Variants in SOX5 observed in about 807,000 individuals in gnomAD.
The protein encoded by SOX5 is transcription factor SOX-5.
A neutral mutation model predicts 92.0 loss-of-function variants in SOX5; 9 were observed. The observed-to-expected ratio is 0.10, with a 90% CI of 0.06 to 0.17. SOX5 has a LOEUF of 0.17. Ranked by LOEUF, SOX5 falls within the 10% of genes least tolerant of loss-of-function variation. The pLI, the probability that SOX5 is intolerant of heterozygous loss-of-function variation, is 1.00. For missense variants in SOX5, 642 were observed against 944.5 expected, an observed-to-expected ratio of 0.68 and a Z score of 4.20; for synonymous variants, 344 against 336.3, an observed-to-expected ratio of 1.02 and a Z score of -0.25.
chr12:24,180,328 G>A (rs1193640818), intron 4 of SOX5, among the ~76,000 whole-genome samples: 1 of 152,100 alleles, frequency 6.6e-6, no homozygotes, highest in Non-Finnish European at 1.5e-5. Flanking sequence ...AACAGCCCAA[G>A]GAGACCTTCC....
At chr12:23,672,666 G>A (rs2084988091) in intron 6 of SOX5, among the ~76,000 whole-genome samples, 1 of 151,798 alleles carries the variant, frequency 6.6e-6, no homozygotes, top group Non-Finnish European at 1.5e-5. Context: ...ATTGCTACTA[G>A]ATATAATAGA....
intron 1 of SOX5, among the ~76,000 whole-genome samples, chr12:24,413,228 T>A (rs1272957996): frequency 3.3e-5 from 5 of 152,242 alleles, no homozygotes; most frequent in Non-Finnish European, 7.3e-5. Flanking sequence ...ATTTTGCAGC[T>A]CAGTTATTTA....
chr12:23,734,510 C>A (rs2093513988), intron 6 of SOX5, among the ~76,000 whole-genome samples, 174 bp downstream of exon 6: 1 of 152,142 alleles, frequency 6.6e-6, no homozygotes, highest in African/African-American at 2.4e-5. Flanking sequence ...ACAGTAGGGC[C>A]TGTAGACTGA....
At chr12:24,503,919 A>C (rs1948472765) in intron 1 of SOX5, among the ~76,000 whole-genome samples, 1 of 152,112 alleles carries the variant, frequency 6.6e-6, no homozygotes, top group African/African-American at 2.4e-5. Context: ...ACGTGTATAC[A>C]TATGTAACAA....
intron 4 of SOX5, among the ~76,000 whole-genome samples, chr12:23,979,701 TTTTTTG>T (rs1475670819): frequency 0.028 from 2,221 of 79,564 alleles, 381 homozygotes; most frequent in South Asian, 0.041. Context: ...TATATATGTT[TTTTTTG>T]TTTTTTTTTT....
At chr12:24,030,350 G>A (rs1391789) in intron 4 of SOX5, among the ~76,000 whole-genome samples, 30,431 of 151,632 alleles carry the variant, frequency 0.2, 3,358 homozygotes, top group Middle Eastern at 0.33. Flanking sequence ...AAACAGACAC[G>A]TAGACCAATG....
At chr12:23,621,662 C>A (rs1337191632) in intron 8 of SOX5, among the ~76,000 whole-genome samples, 1 of 151,934 alleles carries the variant, frequency 6.6e-6, no homozygotes, top group Non-Finnish European at 1.5e-5. Context: ...ATATTAGATT[C>A]TTTAAAAAAT....
chr12:23,803,871 A>G (rs978669059), intron 3 of SOX5, among the ~76,000 whole-genome samples: 6 of 152,224 alleles, frequency 3.9e-5, no homozygotes, highest in Non-Finnish European at 7.3e-5. Context: ...AGGGGTTAAG[A>G]GCTTTCATAA....
intron 11 of SOX5, among the ~76,000 whole-genome samples, chr12:23,556,524 C>A (rs1039665717): frequency 2.6e-5 from 4 of 152,158 alleles, no homozygotes; most frequent in Non-Finnish European, 5.9e-5. Flanking sequence ...TTTAAAAACA[C>A]ACACACCCCT....
At chr12:23,712,182 G>C (rs1319124063) in intron 6 of SOX5, among the ~76,000 whole-genome samples, 1 of 152,176 alleles carries the variant, frequency 6.6e-6, no homozygotes, top group African/African-American at 2.4e-5. Context: ...AGTCGATCAT[G>C]ATCACTTGTT....
At chr12:23,790,339 T>A (rs1173900113) in intron 3 of SOX5, among the ~76,000 whole-genome samples, 1 of 152,186 alleles carries the variant, frequency 6.6e-6, no homozygotes. Flanking sequence ...ATGTATTAAA[T>A]ATGAATAAAG....
intron 3 of SOX5, among the ~76,000 whole-genome samples, chr12:24,261,798 C>T (rs371873656): frequency 4.6e-5 from 7 of 152,188 alleles, no homozygotes; most frequent in South Asian, 2.1e-4. Context: ...CAAATACCAT[C>T]GTCTTAGCTT....
chr12:24,484,879 T>C (rs942462698), intron 1 of SOX5, among the ~76,000 whole-genome samples: 3 of 152,106 alleles, frequency 2.0e-5, no homozygotes, highest in African/African-American at 4.8e-5. Flanking sequence ...CATAAGTAAA[T>C]GATAAAATTA....
At chr12:23,567,182 A>C (rs1401921668) in intron 10 of SOX5, among the ~76,000 whole-genome samples, 1 of 152,220 alleles carries the variant, frequency 6.6e-6, no homozygotes, top group Non-Finnish European at 1.5e-5. Flanking sequence ...CAGACCATAA[A>C]GGCCAAAGAG....
At chr12:23,738,238 G>C (rs1454113484) in intron 5 of SOX5, 2 of 152,180 alleles carry the variant, frequency 1.3e-5, no homozygotes, top group Non-Finnish European at 2.9e-5. Context: ...TACATAGAAT[G>C]GGGACATTCT....
At chr12:24,407,315 G>C (rs1963198380) in intron 1 of SOX5, among the ~76,000 whole-genome samples, 1 of 152,160 alleles carries the variant, frequency 6.6e-6, no homozygotes, top group Admixed American at 6.5e-5. Context: ...CCAAAGAACT[G>C]GGATCCACCC....
At chr12:24,233,668 C>A (rs1044817704) in intron 3 of SOX5, among the ~76,000 whole-genome samples, 1 of 152,184 alleles carries the variant, frequency 6.6e-6, no homozygotes, top group Non-Finnish European at 1.5e-5. Context: ...TTTGTGAGTT[C>A]TCTGAATTTG....
intron 4 of SOX5, among the ~76,000 whole-genome samples, chr12:23,958,310 A>G (rs1946504657): frequency 6.6e-6 from 1 of 152,062 alleles, no homozygotes; most frequent in South Asian, 2.1e-4. Flanking sequence ...GGAAAGAATC[A>G]ATACACTTAA....
intron 3 of SOX5, among the ~76,000 whole-genome samples, chr12:23,842,009 C>G (rs896586823): frequency 3.9e-5 from 6 of 151,902 alleles, no homozygotes; most frequent in Non-Finnish European, 8.8e-5. Flanking sequence ...GTGAGGGACA[C>G]CAGTAAAGAA....
Sources: gnomAD v4.1 joint callset for allele counts (sites outside exome capture counted in the v4.1 genomes callset) on GRCh38, gnomAD v4.1.1 for gene constraint, MANE v1.5 for transcripts, NCBI Gene and HGNC (gene_info 2026-07-23, HGNC 2026-07-21) for gene names.